Variants in LHFPL3 observed in about 807,000 individuals in gnomAD.
LHFPL3 encodes LHFPL tetraspan subfamily member 3.
A neutral mutation model predicts 19.3 loss-of-function variants in LHFPL3; 5 were observed. The ratio of observed to expected loss-of-function variants is 0.26; its 90% CI spans 0.14 to 0.54. The LOEUF is 0.54. LHFPL3 is among the 20% of genes least tolerant of loss of function. LHFPL3 has a pLI of 0.94. For missense variants in LHFPL3, 249 were observed against 307.4 expected, an observed-to-expected ratio of 0.81 and a Z score of 1.42; for synonymous variants, 133 against 126.2, an observed-to-expected ratio of 1.05 and a Z score of -0.36.
chr7:104,684,899 C>A (rs144462430), intron 1 of LHFPL3, among the ~76,000 whole-genome samples: 3 of 152,198 alleles, frequency 2.0e-5, no homozygotes, highest in Non-Finnish European at 4.4e-5. Flanking sequence ...CTCCACCGCC[C>A]AGGGCACCAC....
intron 2 of LHFPL3, among the ~76,000 whole-genome samples, chr7:104,855,748 C>T (rs1246584599): frequency 3.3e-5 from 5 of 151,980 alleles, no homozygotes; most frequent in Non-Finnish European, 5.9e-5. Flanking sequence ...CTCAGCTTCA[C>T]GAGTAGCTGG....
intron 1 of LHFPL3, among the ~76,000 whole-genome samples, chr7:104,690,997 C>T (rs1792896380): frequency 6.6e-6 from 1 of 152,188 alleles, no homozygotes; most frequent in Admixed American, 6.5e-5. Context: ...CAGCGGAGGC[C>T]TCTAGGATTT....
chr7:104,860,083 A>ACGAC (rs1791585678), intron 2 of LHFPL3, among the ~76,000 whole-genome samples: 1 of 152,218 alleles, frequency 6.6e-6, no homozygotes, highest in African/African-American at 2.4e-5. Context: ...GAAATAAAGT[A>ACGAC]CGACCCATAA....
At chr7:104,667,959 T>C (rs931604616) in intron 1 of LHFPL3, 3 of 1,613,218 alleles carry the variant, frequency 1.9e-6, no homozygotes, top group Non-Finnish European at 2.5e-6. Flanking sequence ...AATTGACCGT[T>C]CCATCCTTCC....
chr7:104,646,402 GA>G (rs1406564197), intron 1 of LHFPL3, among the ~76,000 whole-genome samples: 1 of 152,146 alleles, frequency 6.6e-6, no homozygotes. Context: ...TGTGAGTGAA[GA>G]AAAATAGCAC....
At chr7:104,339,019 G>A (rs377630383) in intron 1 of LHFPL3, among the ~76,000 whole-genome samples, 3 of 152,094 alleles carry the variant, frequency 2.0e-5, no homozygotes, top group East Asian at 1.9e-4. Context: ...AGGCCGAGGC[G>A]GGTGGATCGC....
chr7:104,618,871 T>C (rs988147211), intron 1 of LHFPL3, among the ~76,000 whole-genome samples: 25 of 152,350 alleles, frequency 1.6e-4, no homozygotes, highest in African/African-American at 6.0e-4. Flanking sequence ...CCCTGCCATA[T>C]ATTTTAATCA....
At chr7:104,866,039 A>G (rs1157228551) in intron 2 of LHFPL3, among the ~76,000 whole-genome samples, 1 of 152,226 alleles carries the variant, frequency 6.6e-6, no homozygotes, top group African/African-American at 2.4e-5. Flanking sequence ...AGATTTTGTC[A>G]CCACTAGGCC....
intron 1 of LHFPL3, among the ~76,000 whole-genome samples, chr7:104,410,292 C>T (rs1015277962): frequency 6.6e-6 from 1 of 152,164 alleles, no homozygotes; most frequent in African/African-American, 2.4e-5. Context: ...GCCACCACAT[C>T]CAGCTAATTT....
chr7:104,839,221 G>A (rs528263763), intron 2 of LHFPL3, among the ~76,000 whole-genome samples: 18 of 152,158 alleles, frequency 1.2e-4, no homozygotes, highest in African/African-American at 4.3e-4. Context: ...TGTTAAATTG[G>A]TAAGATTGTA....
intron 2 of LHFPL3, among the ~76,000 whole-genome samples, chr7:104,810,148 A>C (rs552839489): frequency 6.6e-6 from 1 of 152,298 alleles, no homozygotes; most frequent in East Asian, 1.9e-4. Flanking sequence ...GTGCTTCCTA[A>C]CACCTGAAGT....
intron 1 of LHFPL3, among the ~76,000 whole-genome samples, chr7:104,541,372 C>T (rs1352365498): frequency 6.6e-6 from 1 of 152,144 alleles, no homozygotes; most frequent in Non-Finnish European, 1.5e-5. Flanking sequence ...CAGCGCTAGG[C>T]ACAGAGGAGG....
chr7:104,512,799 A>G (rs1793845330), intron 1 of LHFPL3, among the ~76,000 whole-genome samples: 1 of 152,162 alleles, frequency 6.6e-6, no homozygotes, highest in African/African-American at 2.4e-5. Context: ...GCAGCTAGCC[A>G]GCTGACCTGA....
intron 2 of LHFPL3, among the ~76,000 whole-genome samples, chr7:104,761,098 T>C (rs78411694): frequency 0.014 from 2,103 of 152,216 alleles, 32 homozygotes; most frequent in East Asian, 0.053. Flanking sequence ...TGGGAGCATT[T>C]ATGTGTTCAA....
intron 1 of LHFPL3, among the ~76,000 whole-genome samples, chr7:104,599,614 A>G (rs1238500798): frequency 6.6e-6 from 1 of 152,240 alleles, no homozygotes; most frequent in East Asian, 1.9e-4. Flanking sequence ...CATAGCACCA[A>G]GAATATGAGA....
At chr7:104,859,181 C>CA (rs1298443174) in intron 2 of LHFPL3, among the ~76,000 whole-genome samples, 2 of 151,448 alleles carry the variant, frequency 1.3e-5, no homozygotes, top group African/African-American at 4.9e-5. Context: ...GCAGGAGAAT[C>CA]ACTTGAACCC....
intron 1 of LHFPL3, among the ~76,000 whole-genome samples, chr7:104,622,534 A>G (rs1211345950): frequency 6.6e-6 from 1 of 152,120 alleles, no homozygotes; most frequent in Non-Finnish European, 1.5e-5. Flanking sequence ...AATCACCACT[A>G]CAATTGGTTT....
chr7:104,425,980 AT>A (rs772518093), intron 1 of LHFPL3, among the ~76,000 whole-genome samples: 6 of 152,214 alleles, frequency 3.9e-5, no homozygotes, highest in Non-Finnish European at 8.8e-5. Flanking sequence ...CTTCTGTGTC[AT>A]TTGAACTGTT....
chr7:104,496,731 G>T (rs1350160834), intron 1 of LHFPL3, among the ~76,000 whole-genome samples: 3 of 152,124 alleles, frequency 2.0e-5, no homozygotes, highest in Non-Finnish European at 2.9e-5. Flanking sequence ...CCATTAACTT[G>T]TATTTCCTTA....
Sources: gnomAD v4.1 joint callset for allele counts (sites outside exome capture counted in the v4.1 genomes callset) on GRCh38, gnomAD v4.1.1 for gene constraint, MANE v1.5 for transcripts, NCBI Gene and HGNC (gene_info 2026-07-23, HGNC 2026-07-21) for gene names.